The following GNG4 variants were observed in gnomAD, a reference collection of about 807,000 sequenced individuals.
The protein encoded by GNG4 is G protein subunit gamma 4.
A neutral mutation model predicts 5.8 loss-of-function variants in GNG4; 4 were observed. That is an observed-to-expected ratio of 0.69 (90% CI 0.34 to 1.57). The LOEUF (loss-of-function observed/expected upper bound fraction) is 1.57. Among genes scored for constraint, GNG4 ranks in the 40% most tolerant of loss-of-function variants. The pLI is 0.06. For synonymous variants in GNG4, 29 were observed against 32.9 expected (o/e 0.88, Z 0.41); for missense variants, 96 against 95.1 (o/e 1.01, Z -0.04).
chr1:235,570,789 A>G (rs1343668228), intron 3 of GNG4, among the ~76,000 whole-genome samples: 1 of 151,458 alleles, frequency 6.6e-6, no homozygotes, highest in Non-Finnish European at 1.5e-5. Flanking sequence ...TCAACCTCCC[A>G]GGTTTAGGTG....
At position 235,649,329 on chromosome 1, in the gene GNG4, G is replaced by A. The variant is rs1445437676; in HGVS notation, c.-123+333C>T. 6.6e-6 allele frequency among the ~76,000 whole-genome samples: 1 copy of A among 152,184 alleles called. No individual in the cohort carries two copies. The highest frequency in any genetic ancestry group is 1.5e-5 in the Non-Finnish European group (1 of 68,022). Reference sequence around the variant, plus strand: ...AGCAAACGCTCTGTGACCTACAAATGGAAGAGGGGACCCCCGAGCCCCCGC... The same window carrying A: ...AGCAAACGCTCTGTGACCTACAAATAGAAGAGGGGACCCCCGAGCCCCCGC... On this transcript the variant is annotated intron_variant, in intron 1 of 3. Transcript: ENST00000391854. The surrounding 1 kb of genome is among the most constrained non-coding windows in gnomAD (Gnocchi z 5.7).
intron 3 of GNG4, among the ~76,000 whole-genome samples, chr1:235,582,868 G>A (rs1461523404): frequency 1.3e-5 from 2 of 152,136 alleles, no homozygotes; most frequent in Non-Finnish European, 2.9e-5. Context: ...GAGCTCCAGG[G>A]GAAAAGAATA....
chr1:235,589,780 A>T (rs1368891463), intron 2 of GNG4, among the ~76,000 whole-genome samples: 1 of 152,204 alleles, frequency 6.6e-6, no homozygotes, highest in Non-Finnish European at 1.5e-5. Flanking sequence ...CCACTGGGGA[A>T]TCAACCAAGG....
intron 2 of GNG4, among the ~76,000 whole-genome samples, chr1:235,585,724 T>TG (rs1157144075): frequency 6.6e-6 from 1 of 152,228 alleles, no homozygotes; most frequent in South Asian, 2.1e-4. Context: ...CATATTATTG[T>TG]GGGGGTGTGT....
At chr1:235,621,094 G>A (rs1440364581) in intron 1 of GNG4, among the ~76,000 whole-genome samples, 1 of 151,544 alleles carries the variant, frequency 6.6e-6, no homozygotes, top group African/African-American at 2.4e-5. Context: ...TGTCAATTTT[G>A]GGGGCTATTC....
chr1:235,581,549 C>T (rs569550076), intron 3 of GNG4, among the ~76,000 whole-genome samples: 116 of 151,968 alleles, frequency 7.6e-4, no homozygotes, highest in Non-Finnish European at 1.5e-3. Flanking sequence ...GTATCGCCTC[C>T]CCCTTCTCTC....
chr1:235,607,664 C>G (rs1688390955), intron 1 of GNG4, among the ~76,000 whole-genome samples: 1 of 152,226 alleles, frequency 6.6e-6, no homozygotes, highest in African/African-American at 2.4e-5. Flanking sequence ...TCCACGCCGC[C>G]CAGCCTGACT....
At chr1:235,568,815 TC>T (rs1687267521) in intron 3 of GNG4, among the ~76,000 whole-genome samples, 1 of 151,236 alleles carries the variant, frequency 6.6e-6, no homozygotes, top group Non-Finnish European at 1.5e-5. Flanking sequence ...CTTTTTTTCT[TC>T]TCTTTTCTTC....
intron 1 of GNG4, among the ~76,000 whole-genome samples, chr1:235,598,781 A>G (rs1571906096): frequency 6.7e-6 from 1 of 150,102 alleles, no homozygotes; most frequent in East Asian, 2.0e-4. Context: ...GCTGGAGTGC[A>G]GTGGTGTGAT....
chr1:235,625,344 C>T (rs1441417144), intron 1 of GNG4, among the ~76,000 whole-genome samples: 1 of 152,240 alleles, frequency 6.6e-6, no homozygotes, highest in Non-Finnish European at 1.5e-5. Context: ...CCACATAACT[C>T]CTGTCCCCAA....
At chr1:235,627,203 A>G (rs1688834352) in intron 1 of GNG4, among the ~76,000 whole-genome samples, 1 of 151,764 alleles carries the variant, frequency 6.6e-6, no homozygotes, top group Non-Finnish European at 1.5e-5. Flanking sequence ...TTACCCCATG[A>G]CATAGTTTTT....
intron 2 of GNG4, among the ~76,000 whole-genome samples, chr1:235,591,822 AC>A (rs1244267260): frequency 1.3e-5 from 2 of 152,200 alleles, no homozygotes; most frequent in Admixed American, 6.5e-5. Context: ...TCCCAGGTAT[AC>A]AGGAATGTGC....
chr1:235,569,951 A>T (rs536598423), intron 3 of GNG4, among the ~76,000 whole-genome samples: 1 of 151,884 alleles, frequency 6.6e-6, no homozygotes, highest in South Asian at 2.1e-4. Flanking sequence ...GTTGATGGAG[A>T]GATCACTCTT....
chr1:235,557,432 C>T (rs890600127), intron 3 of GNG4, among the ~76,000 whole-genome samples: 1 of 152,084 alleles, frequency 6.6e-6, no homozygotes, highest in African/African-American at 2.4e-5. Context: ...GTGTCCTCAG[C>T]TGGGACTCAC....
chr1:235,626,907 T>C (rs1051638384), intron 1 of GNG4, among the ~76,000 whole-genome samples: 23 of 127,968 alleles, frequency 1.8e-4, no homozygotes, highest in Admixed American at 5.8e-4. Flanking sequence ...TGCAGTGAAC[T>C]GAGATTGCAT....
rs940157506 is a variant in GNG4, at chr1:235,629,255, T to C, written c.-123+20407A>G. On this transcript the variant is annotated intron_variant, in intron 1 of 3. Coordinates refer to ENST00000391854, the MANE Select transcript of GNG4 (RefSeq NM_001098722.2). ...GTCTTAAATAACTGGCTTCAAGCCATCCTCCCACCTTGGCCTCCCAAAGTG... is the reference window on the plus strand; with the variant it reads ...GTCTTAAATAACTGGCTTCAAGCCACCCTCCCACCTTGGCCTCCCAAAGTG... 2.9e-4 allele frequency among the ~76,000 whole-genome samples: 44 copies of C among 151,852 alleles called. 2 individuals carry two copies.
intron 2 of GNG4, among the ~76,000 whole-genome samples, chr1:235,587,586 A>AATGTGAGTGTGGGAGGGTGTGGGGTGGGG (rs1558486286): frequency 6.6e-3 from 3 of 454 alleles, no homozygotes; most frequent in African/African-American, 0.033. Flanking sequence ...GGTGGCGGTG[A>AATGTGAGTGTGGGAGGGTGTGGGGTGGGG]GTGTGAGTGT....
chr1:235,600,443 TG>T (rs1247446518), intron 1 of GNG4, among the ~76,000 whole-genome samples: 1 of 89,706 alleles, frequency 1.1e-5, no homozygotes, highest in Non-Finnish European at 3.1e-5. Flanking sequence ...TGTGTGTATA[TG>T]TGTGTGTGTG....
At chr1:235,621,586 C>A (rs1558500071) in intron 1 of GNG4, among the ~76,000 whole-genome samples, 1 of 151,828 alleles carries the variant, frequency 6.6e-6, no homozygotes, top group African/African-American at 2.4e-5. Context: ...TGAGCCACTG[C>A]ACCTGGCAAA....
Sources: gnomAD v4.1 joint callset for allele counts (sites outside exome capture counted in the v4.1 genomes callset) on GRCh38, gnomAD v4.1.1 for gene constraint, Gnocchi (gnomAD v3.1) non-coding constraint, MANE v1.5 for transcripts, NCBI Gene and HGNC (gene_info 2026-07-23, HGNC 2026-07-21) for gene names.